SGF29: variants seen among roughly 807,000 people sequenced by gnomAD.
SGF29 encodes SAGA-associated factor 29.
Under a neutral mutation model 38.1 loss-of-function variants are expected in SGF29, and 15 were observed. That is an observed-to-expected ratio of 0.39 (90% CI 0.26 to 0.61). The LOEUF is 0.61. Ranked by LOEUF, SGF29 falls within the 20% of genes least tolerant of loss-of-function variation. The pLI is 0.49. For synonymous variants in SGF29, 151 were observed against 160.8 expected, an observed-to-expected ratio of 0.94 and a Z score of 0.46; for missense variants, 184 against 394.6, an observed-to-expected ratio of 0.47 and a Z score of 4.52.
At chr16:28,581,020 A>G in intron 1 of SGF29, 35 bp from the exon 2 acceptor site, 1 of 1,494,614 alleles carries the variant, frequency 6.7e-7, no homozygotes, top group Non-Finnish European at 9.3e-7. Context: ...AGCAGCCACT[A>G]ACAGAGTTCT....
chr16:28,573,021 C>G (rs1199314776), intron 1 of SGF29, among the ~76,000 whole-genome samples: 6 of 152,176 alleles, frequency 3.9e-5, no homozygotes, highest in East Asian at 1.9e-4. Flanking sequence ...TTTGCCTCCC[C>G]CTCCTGTGTG....
chr16:28,578,022 A>T (rs2046904982), intron 1 of SGF29, among the ~76,000 whole-genome samples: 1 of 152,096 alleles, frequency 6.6e-6, no homozygotes. Context: ...AAGTTAAAAA[A>T]TTTATAAAGT....
At chr16:28,580,875 G>T (rs772308318) in intron 1 of SGF29, among the ~76,000 whole-genome samples, 180 bp from the exon 2 acceptor site, 3 of 152,134 alleles carry the variant, frequency 2.0e-5, no homozygotes, top group Admixed American at 2.0e-4. Context: ...TAAAGACGGG[G>T]TCTCCGTGTT....
chr16:28,584,851 TG>T, intron 2 of SGF29, 61 bp from the exon 3 acceptor site: 1 of 1,242,126 alleles, frequency 8.1e-7, no homozygotes, highest in Non-Finnish European at 1.2e-6. Flanking sequence ...CTGGCCTGGC[TG>T]GCAGGGTACC....
intron 1 of SGF29, among the ~76,000 whole-genome samples, chr16:28,564,634 C>CGTATATATGT (rs1448868011): frequency 1.2e-5 from 1 of 86,570 alleles, no homozygotes; most frequent in Non-Finnish European, 2.4e-5. Context: ...CATATATATA[C>CGTATATATGT]GTATATATGT....
At chr16:28,567,811 G>A (rs2046843358) in intron 1 of SGF29, among the ~76,000 whole-genome samples, 1 of 152,170 alleles carries the variant, frequency 6.6e-6, no homozygotes, top group Non-Finnish European at 1.5e-5. Context: ...TTGTTATAAA[G>A]TGGCAAAGAA....
chr16:28,591,329 C>T (rs1356727366), intron 9 of SGF29, among the ~76,000 whole-genome samples: 1 of 152,214 alleles, frequency 6.6e-6, no homozygotes, highest in African/African-American at 2.4e-5. Flanking sequence ...GCAGCAGACC[C>T]TCCAGCTATG....
In SGF29 at chr16:28,581,073, G is replaced by A; in HGVS notation, c.4G>A (p.Ala2Thr). The change falls in exon 2 of 10, where the codon GCC (alanine) becomes ACC (threonine). Residue 2 changes from alanine to threonine, a missense_variant. This residue lies in a region of SGF29 where 77 missense variants were observed against 117.7 expected (regional missense o/e 0.65). Coordinates refer to ENST00000317058, the MANE Select transcript of SGF29 (RefSeq NM_138414.3). M[A>T]LVSADSRIAE... ...CCACCAGGTGCCCCTGTAGACAATG[G>A]CCCTCGTGTCTGCCGATTCCCGCAT... 6.2e-7 allele frequency: 1 copy of A among 1,613,804 alleles called. No homozygotes were observed. The highest frequency in any genetic ancestry group is 8.5e-7 in the Non-Finnish European group (1 of 1,179,892).
intron 1 of SGF29, among the ~76,000 whole-genome samples, chr16:28,565,718 A>C (rs1596598615): frequency 6.6e-6 from 1 of 151,382 alleles, no homozygotes; most frequent in South Asian, 2.1e-4. Flanking sequence ...CAAACTCCTG[A>C]CCTCGTGATC....
intron 1 of SGF29, among the ~76,000 whole-genome samples, chr16:28,555,929 T>C (rs530786716): frequency 6.6e-6 from 1 of 152,328 alleles, no homozygotes; most frequent in Non-Finnish European, 1.5e-5. Context: ...AGGAAGAGCA[T>C]AGGTTTTAGA....
In SGF29 at chr16:28,590,133, A is replaced by C. The variant is rs1359379199; in HGVS notation, c.327A>C (p.Pro109=). ...CCGGTCTCTACAATGACTCGGAGCCACCCCGGAAGACCATGCGCAGAGGGG... is the reference window on the plus strand; with the variant it reads ...CCGGTCTCTACAATGACTCGGAGCCCCCCCGGAAGACCATGCGCAGAGGGG... The part of the protein sequence containing the change: ...KIAGLYNDSE[P]PRKTMRRGVL... The change falls in exon 6 of 10, where the codon CCA becomes CCC. Residue 109 remains proline, a synonymous_variant. Transcript: ENST00000317058. The surrounding 1 kb of genome is among the most constrained non-coding windows in gnomAD (Gnocchi z 8.2). 2 of 1,611,670 alleles carry C rather than the reference A, an allele frequency of 1.2e-6. No homozygotes were observed. The highest frequency in any genetic ancestry group is 1.7e-6 in the Non-Finnish European group (2 of 1,179,308).
chr16:28,591,179 T>C (rs1298199429), intron 9 of SGF29, among the ~76,000 whole-genome samples: 1 of 151,880 alleles, frequency 6.6e-6, no homozygotes, highest in East Asian at 1.9e-4. Context: ...AGCTCCGAGA[T>C]GGGAAGCTCC....
At chr16:28,584,243 G>A (rs2046942430) in intron 2 of SGF29, among the ~76,000 whole-genome samples, 1 of 151,568 alleles carries the variant, frequency 6.6e-6, no homozygotes, top group South Asian at 2.1e-4. Flanking sequence ...TGCCCACTTT[G>A]GCCTTCCAAA....
chr16:28,589,494 A>C (rs1394173880), intron 5 of SGF29: 1 of 294,288 alleles, frequency 3.4e-6, no homozygotes, highest in East Asian at 7.1e-5. Context: ...GCAGAGCCAC[A>C]CGCTGTGTGT....
chr16:28,590,599 T>A lies in SGF29; in HGVS notation c.567-32T>A. 3.1e-6 allele frequency: 5 copies of A among 1,613,080 alleles called. No individual in the cohort carries two copies. The highest frequency in any genetic ancestry group is 4.2e-6 in the Non-Finnish European group (5 of 1,179,902). On this transcript the variant is annotated intron_variant, in intron 7 of 9. Transcript: ENST00000317058. This position sits in a 1 kb window ranked among gnomAD's most constrained non-coding sequence, Gnocchi z 8.2. ...CCCCAACAGGTACTGCGCCCCTGGC[T>A]GCATCCAGCCTTTTCCTCCTTTTGT...
At chr16:28,585,794 A>C in intron 4 of SGF29, 74 bp downstream of exon 4, 4 of 1,391,664 alleles carry the variant, frequency 2.9e-6, no homozygotes, top group Non-Finnish European at 4.1e-6. Flanking sequence ...ATTTGGACCA[A>C]GTCCCCAGCC....
intron 1 of SGF29, among the ~76,000 whole-genome samples, chr16:28,566,226 A>G (rs949200996): frequency 2.0e-5 from 3 of 151,462 alleles, no homozygotes; most frequent in Admixed American, 6.6e-5. Flanking sequence ...GTGAGCCAAG[A>G]TCGCGCCACT....
intron 1 of SGF29, among the ~76,000 whole-genome samples, chr16:28,555,492 G>A (rs1411736485): frequency 6.6e-6 from 1 of 152,008 alleles, no homozygotes; most frequent in Non-Finnish European, 1.5e-5. Flanking sequence ...GAGTTCTAGA[G>A]GTGGAAGAAA....
intron 1 of SGF29, among the ~76,000 whole-genome samples, chr16:28,577,296 T>C (rs1473778579): frequency 6.6e-6 from 1 of 151,382 alleles, no homozygotes; most frequent in East Asian, 1.9e-4. Context: ...GTTTTTAGTA[T>C]ATTCAGAGTT....
Sources: allele counts gnomAD v4.1 joint callset (sites outside exome capture counted in the v4.1 genomes callset), GRCh38; gene constraint gnomAD v4.1.1; regional missense constraint gnomAD v4.1.1; non-coding constraint Gnocchi (gnomAD v3.1); transcripts MANE v1.5; gene names NCBI Gene and HGNC (gene_info 2026-07-23, HGNC 2026-07-21).